Variants in METTL15 observed in about 807,000 individuals in gnomAD.
The protein encoded by METTL15 is methyltransferase 15, mitochondrial 12S rRNA N4-cytidine, also known as 12S rRNA N(4)-cytidine methyltransferase METTL15.
METTL15 carries 34 observed loss-of-function variants against 38.3 expected under a neutral mutation model. The observed-to-expected ratio is 0.89, with a 90% CI of 0.68 to 1.18. The LOEUF (loss-of-function observed/expected upper bound fraction) is 1.18, where lower values mean the gene tolerates loss of function less well. METTL15 is among the 50% of genes most tolerant of loss of function. The probability of loss-of-function intolerance (pLI) is 0.00; values close to 1 mark genes in which losing one functional copy is unlikely to be tolerated. For synonymous variants in METTL15, 162 were observed against 170.9 expected (o/e 0.95, Z 0.41); for missense variants, 438 against 498.4 (o/e 0.88, Z 1.15).
chr11:28,136,588 A>G (rs1230300776), intron 3 of METTL15, among the ~76,000 whole-genome samples: 2 of 152,240 alleles, frequency 1.3e-5, no homozygotes, highest in African/African-American at 4.8e-5. Context: ...ATACTCAGAC[A>G]TTAGAATGGT....
intron 6 of METTL15, among the ~76,000 whole-genome samples, chr11:28,458,560 T>C (rs1851189363): frequency 6.6e-6 from 1 of 151,726 alleles, no homozygotes; most frequent in Admixed American, 6.6e-5. Context: ...TATAGGAGAG[T>C]TCATGGCACA....
chr11:28,299,649 G>T (rs12802830), intron 6 of METTL15, among the ~76,000 whole-genome samples: 34,451 of 151,928 alleles, frequency 0.23, 4,063 homozygotes, highest in Non-Finnish European at 0.24. Flanking sequence ...AATAAATCAA[G>T]AGGTACTACA....
At chr11:28,205,158 A>G (rs1185786864) in intron 3 of METTL15, among the ~76,000 whole-genome samples, 1 of 151,760 alleles carries the variant, frequency 6.6e-6, no homozygotes, top group Non-Finnish European at 1.5e-5. Context: ...CACAATGTGC[A>G]GGTTAGTTAC....
intron 5 of METTL15, among the ~76,000 whole-genome samples, chr11:28,371,336 T>A (rs2133375455): frequency 6.6e-6 from 1 of 152,122 alleles, no homozygotes; most frequent in East Asian, 1.9e-4. Context: ...AAGTTGGCCA[T>A]AAATGTATGG....
chr11:28,378,506 G>C (rs1014550753), intron 5 of METTL15, among the ~76,000 whole-genome samples: 1 of 152,216 alleles, frequency 6.6e-6, no homozygotes, highest in African/African-American at 2.4e-5. Context: ...GCCTCGCCCT[G>C]CTTCGGCTCG....
intron 4 of METTL15, among the ~76,000 whole-genome samples, chr11:28,278,605 C>A (rs1308214500): frequency 2.0e-5 from 3 of 152,046 alleles, no homozygotes; most frequent in Non-Finnish European, 4.4e-5. Flanking sequence ...ATTTATTAAA[C>A]CTTTACTAAG....
intron 4 of METTL15, among the ~76,000 whole-genome samples, chr11:28,285,795 G>A (rs776254366): frequency 5.9e-5 from 9 of 152,022 alleles, no homozygotes; most frequent in Non-Finnish European, 1.0e-4. Context: ...TCAAGCAAGT[G>A]TTAGAAAAAC....
intron 4 of METTL15, among the ~76,000 whole-genome samples, chr11:28,266,330 C>G (rs899683202): frequency 2.0e-5 from 3 of 152,064 alleles, no homozygotes; most frequent in African/African-American, 7.2e-5. Context: ...CAATGATAGA[C>G]TGGATTAAGA....
At chr11:28,124,348 A>G (rs1852380299) in intron 3 of METTL15, among the ~76,000 whole-genome samples, 1 of 152,102 alleles carries the variant, frequency 6.6e-6, no homozygotes, top group Non-Finnish European at 1.5e-5. Context: ...ACTATGCCCA[A>G]GCTCAGTCAT....
intron 6 of METTL15, among the ~76,000 whole-genome samples, chr11:28,500,906 A>G (rs1851577142): frequency 6.6e-6 from 1 of 152,192 alleles, no homozygotes; most frequent in Admixed American, 6.5e-5. Context: ...TATATCTATC[A>G]CATTTCAGCA....
At chr11:28,181,259 A>ATTTTTTTTTTTTTTTT (rs71449171) in intron 3 of METTL15, among the ~76,000 whole-genome samples, 20 of 133,794 alleles carry the variant, frequency 1.5e-4, no homozygotes, top group Non-Finnish European at 1.7e-4. Flanking sequence ...TTAATTTTTA[A>ATTTTTTTTTTTTTTTT]TTTTTTTTTT....
At chr11:28,461,777 T>G (rs1851217349) in intron 6 of METTL15, among the ~76,000 whole-genome samples, 1 of 152,128 alleles carries the variant, frequency 6.6e-6, no homozygotes. Flanking sequence ...AGAAGATTTG[T>G]GACATGTATA....
Position 28,348,151 on chromosome 11 carries a change from TA to T in METTL15, c.*190-3932del, listed in dbSNP as rs774770238. ...CTCTACTTCTTGTTCCCTTTGTAAT[TA>T]AAAAAATGTTTTGAATGGAGATACT... On this transcript the variant is annotated intron_variant and NMD_transcript_variant, in intron 3 of 7. Coordinates refer to the METTL15 transcript ENST00000532947. Among the ~76,000 whole-genome samples, 5 of 152,264 alleles carry T rather than the reference TA, an allele frequency of 3.3e-5. No individual in the cohort carries two copies. The South Asian group carries it at 8.3e-4, about 25-fold the overall frequency.
intron 3 of METTL15, among the ~76,000 whole-genome samples, chr11:28,203,583 C>T (rs1229713266): frequency 1.3e-5 from 2 of 152,010 alleles, no homozygotes; most frequent in African/African-American, 4.8e-5. Context: ...ATAGGATCTA[C>T]ATTTTACTAT....
chr11:28,400,840 A>G (rs1304122992), intron 5 of METTL15, among the ~76,000 whole-genome samples: 1 of 151,940 alleles, frequency 6.6e-6, no homozygotes, highest in Non-Finnish European at 1.5e-5. Flanking sequence ...AAAACAAGCA[A>G]TTTCTCCTAA....
intron 3 of METTL15, among the ~76,000 whole-genome samples, chr11:28,176,530 T>C (rs769006857): frequency 3.3e-5 from 5 of 152,166 alleles, no homozygotes; most frequent in African/African-American, 4.8e-5. Context: ...AAGGGTTAAA[T>C]CAGTTAATAT....
chr11:28,290,815 A>G (rs1158661064), intron 5 of METTL15, among the ~76,000 whole-genome samples: 1 of 151,988 alleles, frequency 6.6e-6, no homozygotes, highest in East Asian at 1.9e-4. Flanking sequence ...AAAAAAAAAA[A>G]AGGCAAGATC....
intron 5 of METTL15, among the ~76,000 whole-genome samples, chr11:28,293,128 C>G (rs1856587409): frequency 6.6e-6 from 1 of 152,156 alleles, no homozygotes; most frequent in Non-Finnish European, 1.5e-5. Flanking sequence ...GAAGTCCTTA[C>G]CCATGCCTAT....
chr11:28,145,767 GTTC>G (rs1849861390), intron 3 of METTL15: 1 of 151,916 alleles, frequency 6.6e-6, no homozygotes, highest in Non-Finnish European at 1.5e-5. Context: ...AAGTTATTGT[GTTC>G]TTTTTCATAT....
Sources: gnomAD v4.1 joint callset for allele counts (sites outside exome capture counted in the v4.1 genomes callset) on GRCh38, gnomAD v4.1.1 for gene constraint, MANE v1.5 for transcripts, NCBI Gene and HGNC (gene_info 2026-07-23, HGNC 2026-07-21) for gene names.